Variants in PIK3C2A observed in about 807,000 individuals in gnomAD.
PIK3C2A encodes the protein phosphatidylinositol 4-phosphate 3-kinase C2 domain-containing subunit alpha.
A neutral mutation model predicts 204.5 loss-of-function variants in PIK3C2A; 97 were observed. That is an observed-to-expected ratio of 0.47 (90% CI 0.40 to 0.56). PIK3C2A has a LOEUF of 0.56. PIK3C2A is among the 20% of genes least tolerant of loss of function. The pLI is 0.00. For missense variants in PIK3C2A, 1,735 were observed against 1,969.2 expected, an observed-to-expected ratio of 0.88 and a Z score of 2.25; for synonymous variants, 653 against 664.4, an observed-to-expected ratio of 0.98 and a Z score of 0.26.
chr11:17,122,655 A>T, intron 14 of PIK3C2A, 47 bp downstream of exon 14: 1 of 869,590 alleles, frequency 1.1e-6, no homozygotes. Context: ...ACATTTTATG[A>T]AGAAATTTAA....
intron 18 of PIK3C2A, 37 bp from the exon 19 acceptor site, chr11:17,117,708 GTTTTTTTTTTTT>G (rs35485246): frequency 2.8e-5 from 9 of 319,488 alleles, no homozygotes; most frequent in East Asian, 5.8e-5. Context: ...TCACGTCTTG[GTTTTTTTTTTTT>G]TTTTTTTTTT....
At chr11:17,123,717 A>T (rs1849436089) in intron 13 of PIK3C2A, among the ~76,000 whole-genome samples, 1 of 152,160 alleles carries the variant, frequency 6.6e-6, no homozygotes, top group South Asian at 2.1e-4. Flanking sequence ...AACAACATAT[A>T]AATGTATATG....
intron 19 of PIK3C2A, among the ~76,000 whole-genome samples, chr11:17,116,985 A>G (rs1049343843): frequency 6.6e-6 from 1 of 152,356 alleles, no homozygotes; most frequent in South Asian, 2.1e-4. Context: ...ACACAATGGA[A>G]TATTATTCAA....
At chr11:17,119,730 T>C in intron 16 of PIK3C2A, 56 bp downstream of exon 16, 2 of 1,073,290 alleles carry the variant, frequency 1.9e-6, no homozygotes, top group Non-Finnish European at 2.7e-6. Context: ...TCTGGCAACA[T>C]ACCTTACTGG....
chr11:17,143,947 A>C (rs899864563), intron 8 of PIK3C2A, among the ~76,000 whole-genome samples: 2 of 152,182 alleles, frequency 1.3e-5, no homozygotes, highest in Non-Finnish European at 2.9e-5. Context: ...AAAAAACAAA[A>C]AACAACAACA....
At chr11:17,205,264 G>T (rs907428095) in intron 1 of PIK3C2A, among the ~76,000 whole-genome samples, 2 of 151,036 alleles carry the variant, frequency 1.3e-5, no homozygotes, top group Admixed American at 1.3e-4. Flanking sequence ...AAGGCCAAGA[G>T]CTCAAGACCA....
chr11:17,175,954 T>G (rs780090465), intron 1 of PIK3C2A, among the ~76,000 whole-genome samples: 5 of 151,268 alleles, frequency 3.3e-5, no homozygotes, highest in Middle Eastern at 3.5e-3. Context: ...TCCCCCCAAA[T>G]GAATATAAAC....
chr11:17,154,126 G>C (rs1018822633), intron 3 of PIK3C2A, among the ~76,000 whole-genome samples: 2 of 152,148 alleles, frequency 1.3e-5, no homozygotes, highest in African/African-American at 4.8e-5. Flanking sequence ...TTTTCAATTA[G>C]TGGCAGAGTT....
intron 8 of PIK3C2A, chr11:17,141,446 T>C (rs1024899826): frequency 5.9e-5 from 9 of 152,192 alleles, no homozygotes; most frequent in African/African-American, 2.2e-4. Flanking sequence ...ATTTTCCTAT[T>C]TTCATTTTTA....
chr11:17,163,457 A>T (rs1461837118), intron 2 of PIK3C2A, among the ~76,000 whole-genome samples: 1 of 152,184 alleles, frequency 6.6e-6, no homozygotes, highest in East Asian at 1.9e-4. Context: ...CTGGAGTACA[A>T]GGGCCTTATC....
chr11:17,195,491 A>C (rs1052941961), intron 1 of PIK3C2A, among the ~76,000 whole-genome samples: 11 of 152,132 alleles, frequency 7.2e-5, no homozygotes, highest in Non-Finnish European at 1.5e-4. Flanking sequence ...AGGCCAGGGC[A>C]GGCAGATCAC....
rs149381541 is a variant in PIK3C2A, at chr11:17,094,174, CTAAG to C, written c.4451+83_4451+86del. On this transcript the variant is annotated intron_variant, in intron 28 of 32. Coordinates refer to ENST00000691414, the MANE Select transcript of PIK3C2A (RefSeq NM_002645.4). ...GCCACACATGGCCGATAATATCTTA[CTAAG>C]TGTTAACACAAAGCTTTCTACCTAC... is the stretch of plus-strand genomic sequence containing the variant. 3.4e-4 allele frequency: 314 copies of C among 936,304 alleles called. 3 individuals carry two copies. The African/African-American group carries it at 4.7e-3, about 14-fold the overall frequency. The allele number at this position is 936,304 out of a possible 1,614,324, so 58.0% of individuals were successfully genotyped here.
intron 32 of PIK3C2A, 114 bp downstream of exon 32, chr11:17,091,216 AATGG>A: frequency 1.2e-6 from 1 of 845,236 alleles, no homozygotes; most frequent in South Asian, 1.7e-5. Context: ...TGCAGACCAC[AATGG>A]TACGTTTAGC....
chr11:17,150,981 T>C (rs1850407077), intron 3 of PIK3C2A, among the ~76,000 whole-genome samples: 1 of 152,192 alleles, frequency 6.6e-6, no homozygotes, highest in South Asian at 2.1e-4. Flanking sequence ...CACAGTACAA[T>C]TACACAAAAT....
chr11:17,133,435 G>A (rs1250977535), intron 11 of PIK3C2A, among the ~76,000 whole-genome samples: 2 of 152,124 alleles, frequency 1.3e-5, no homozygotes, highest in African/African-American at 4.8e-5. Flanking sequence ...CACAGATGGT[G>A]CTCAATAAAT....
In PIK3C2A at chr11:17,110,603, A is replaced by G. The variant is rs376035036; in HGVS notation, c.3415-42T>C. On this transcript the variant is annotated intron_variant, in intron 21 of 32. Transcript: ENST00000691414. ...CAAAATGAAACTTGTACATCTCCAA[A>G]AGACTTAACAGATTACATACTATGA... The G allele has an allele frequency of 5.1e-6, 8 of 1,573,696 alleles. No homozygotes were observed. The African/African-American group carries it at 9.5e-5, about 19-fold the overall frequency.
At chr11:17,118,783 C>T (rs752722181) in intron 17 of PIK3C2A, 44 bp from the exon 18 acceptor site, 6 of 886,832 alleles carry the variant, frequency 6.8e-6, no homozygotes, top group South Asian at 3.0e-5. Context: ...CTAACCCATA[C>T]TAAATTGTTC....
intron 8 of PIK3C2A, among the ~76,000 whole-genome samples, chr11:17,145,128 G>GACTTGA (rs1168194555): frequency 6.6e-6 from 1 of 152,070 alleles, no homozygotes; most frequent in Admixed American, 6.6e-5. Flanking sequence ...TGAGACTTTG[G>GACTTGA]ACTTGAACTT....
In PIK3C2A at chr11:17,131,901, A is replaced by G; in HGVS notation, c.2231+15T>C. ...GGACACACTGAAAGAATAAAAAGCC[A>G]GAAATTTCACTTACAGTTCATCCCA... On this transcript the variant is annotated intron_variant, in intron 12 of 32. Transcript: ENST00000691414. The G allele has an allele frequency of 2.5e-6, 4 of 1,597,614 alleles. No individual in the cohort carries two copies. The highest frequency in any genetic ancestry group is 3.4e-6 in the Non-Finnish European group (4 of 1,173,350).
Sources: allele counts gnomAD v4.1 joint callset (sites outside exome capture counted in the v4.1 genomes callset), GRCh38; gene constraint gnomAD v4.1.1; transcripts MANE v1.5; gene names NCBI Gene and HGNC (gene_info 2026-07-23, HGNC 2026-07-21).